Variants in SHOC1 observed in about 807,000 individuals in gnomAD.
SHOC1 encodes the protein protein shortage in chiasmata 1 ortholog.
In SHOC1, 136 loss-of-function variants were observed where a neutral mutation model predicts 179.2. The observed-to-expected ratio is 0.76, with a 90% CI of 0.66 to 0.87. The LOEUF (loss-of-function observed/expected upper bound fraction) is 0.87, where lower values mean the gene tolerates loss of function less well. Ranked by LOEUF, SHOC1 falls within the 40% of genes least tolerant of loss-of-function variation. SHOC1 has a pLI of 0.00. For missense variants in SHOC1, 1,538 were observed against 1,700.8 expected (o/e 0.90, Z 1.68); for synonymous variants, 489 against 586.6 (o/e 0.83, Z 2.41).
At chr9:111,744,537 C>T (rs935291481) in intron 10 of SHOC1, among the ~76,000 whole-genome samples, 2 of 152,208 alleles carry the variant, frequency 1.3e-5, no homozygotes, top group Non-Finnish European at 2.9e-5. Flanking sequence ...ACAGCCTTGA[C>T]TCCAGCTGGT....
At chr9:111,792,762 G>A (rs575730180) in intron 1 of SHOC1, among the ~76,000 whole-genome samples, 30 of 152,166 alleles carry the variant, frequency 2.0e-4, no homozygotes, top group Non-Finnish European at 3.5e-4. Context: ...AGAATATATA[G>A]TGTGGCCACC....
chr9:111,694,306 G>A lies in SHOC1; in HGVS notation c.3240C>T (p.Asp1080=). 6.2e-7 allele frequency: 1 copy of A among 1,611,500 alleles called. No individual in the cohort carries two copies. Among genetic ancestry groups the A allele is most frequent in the Non-Finnish European group, 8.5e-7 (1 of 1,178,116 alleles). ...ATALIIRQIA[D]HSLMTSKRDP... ...CTCTCTTTGAGGTCATTAAACTGTG[G>A]TCAGCAATTTGTCGAATTATCAAGG... Residue 1080 remains aspartate, a synonymous_variant, in exon 25 of 28, where the codon GAC becomes GAT. Transcript: ENST00000682961.
At chr9:111,734,987 T>C (rs1488475568) in intron 12 of SHOC1, among the ~76,000 whole-genome samples, 3 of 152,056 alleles carry the variant, frequency 2.0e-5, no homozygotes, top group Non-Finnish European at 4.4e-5. Flanking sequence ...CCTCCTCTAG[T>C]AGCCCCCAGT....
intron 13 of SHOC1, among the ~76,000 whole-genome samples, chr9:111,727,213 CAATT>C (rs1432372502): frequency 9.9e-5 from 15 of 152,000 alleles, no homozygotes; most frequent in African/African-American, 3.6e-4. Flanking sequence ...TAGAAAGAAA[CAATT>C]AAGTAGACAG....
Position 111,722,468 on chromosome 9 carries a change from T to C in SHOC1, c.2072A>G (p.Asp691Gly). The C allele has an allele frequency of 6.2e-7, 1 of 1,612,340 alleles. No individual in the cohort carries two copies. The highest frequency in any genetic ancestry group is 8.5e-7 in the Non-Finnish European group (1 of 1,179,684). ...TTCCTTTAAGAGAAACCTTGTTTGG[T>C]CAAAAATAACAGTGGCAAATTTCCA... Reference protein sequence around the residue: ...ANWKFATVIFDQTRFLLKEQE... With the variant: ...ANWKFATVIFGQTRFLLKEQE... Residue 691 changes from aspartate to glycine, a missense_variant, in exon 15 of 28, where the codon GAC (aspartate) becomes GGC (glycine). Physicochemically the swap from Asp to Gly is moderately conservative, Grantham distance 94. Coordinates refer to ENST00000682961, the MANE Select transcript of SHOC1 (RefSeq NM_001378211.1).
At chr9:111,726,812 G>A (rs1384801052) in intron 13 of SHOC1, among the ~76,000 whole-genome samples, 1 of 152,034 alleles carries the variant, frequency 6.6e-6, no homozygotes, top group Admixed American at 6.6e-5. Flanking sequence ...ATGTAAAAGT[G>A]CTTTATAAAG....
intron 3 of SHOC1, among the ~76,000 whole-genome samples, chr9:111,781,453 T>C (rs888009403): frequency 6.6e-6 from 1 of 152,220 alleles, no homozygotes; most frequent in African/African-American, 2.4e-5. Flanking sequence ...CGGCACGTAG[T>C]GGCTCATGCC....
chr9:111,729,543 G>T (rs566839146), intron 12 of SHOC1, among the ~76,000 whole-genome samples: 8 of 152,320 alleles, frequency 5.3e-5, no homozygotes, highest in African/African-American at 1.7e-4. Context: ...TTTCACGAAA[G>T]ATTTTTCTGT....
chr9:111,750,937 G>A (rs557640678), intron 8 of SHOC1, among the ~76,000 whole-genome samples: 1 of 152,196 alleles, frequency 6.6e-6, no homozygotes, highest in Admixed American at 6.5e-5. Context: ...GTCCTGAATG[G>A]TATTGCCTAG....
At chr9:111,735,465 G>A (rs1474941270) in intron 12 of SHOC1, among the ~76,000 whole-genome samples, 1 of 151,934 alleles carries the variant, frequency 6.6e-6, no homozygotes. Flanking sequence ...TTAGTTTGCT[G>A]AGAATGATGG....
chr9:111,708,088 C>A (rs12349163), intron 18 of SHOC1, among the ~76,000 whole-genome samples, 164 bp from the exon 19 acceptor site: 1 of 151,912 alleles, frequency 6.6e-6, no homozygotes, highest in African/African-American at 2.4e-5. Context: ...ATATCAGAAA[C>A]TTTGAACCAT....
chr9:111,754,117 T>C (rs1008824249), intron 8 of SHOC1, among the ~76,000 whole-genome samples: 1 of 152,192 alleles, frequency 6.6e-6, no homozygotes, highest in Admixed American at 6.5e-5. Context: ...TATTTCACAA[T>C]GTATATGTAT....
chr9:111,783,998 GT>G (rs35280722), intron 3 of SHOC1, among the ~76,000 whole-genome samples: 28,615 of 152,148 alleles, frequency 0.19, 2,888 homozygotes, highest in Non-Finnish European at 0.22. Context: ...AGGACATCCT[GT>G]TTTGTGGGTG....
intron 5 of SHOC1, among the ~76,000 whole-genome samples, chr9:111,769,739 G>A (rs900388110): frequency 2.0e-5 from 3 of 152,172 alleles, no homozygotes; most frequent in Admixed American, 6.5e-5. Flanking sequence ...CAGAGTGCTA[G>A]GGCACAGGCA....
At position 111,758,639 on chromosome 9, in the gene SHOC1, C is replaced by T. The variant is rs1834988230; in HGVS notation, c.596+56G>A. On this transcript the variant is annotated intron_variant, in intron 6 of 27. Transcript: ENST00000682961. ...GATAACATCTAAGCTTGTGATCATACTAAAACATTTTCACCTCTTAAAAAT... is the reference window on the plus strand; with the variant it reads ...GATAACATCTAAGCTTGTGATCATATTAAAACATTTTCACCTCTTAAAAAT... 1.3e-5 allele frequency: 19 copies of T among 1,449,964 alleles called. No individual in the cohort carries two copies. The South Asian group carries it at 1.5e-4, about 12-fold the overall frequency. The allele number at this position is 1,449,964 out of a possible 1,614,324, so 89.8% of individuals were successfully genotyped here.
intron 5 of SHOC1, among the ~76,000 whole-genome samples, chr9:111,771,444 A>G (rs1236854414): frequency 6.6e-6 from 1 of 152,176 alleles, no homozygotes; most frequent in Non-Finnish European, 1.5e-5. Context: ...GTAACAGAGT[A>G]TTCTCAGTAT....
chr9:111,730,110 ACCTTCAGGCTC>A (rs1323807380), intron 12 of SHOC1, among the ~76,000 whole-genome samples: 1 of 152,050 alleles, frequency 6.6e-6, no homozygotes, highest in Admixed American at 6.6e-5. Flanking sequence ...ATTCAACCAC[ACCTTCAGGCTC>A]CACTTCTAAT....
At chr9:111,778,796 CAGAG>C (rs1235038720) in intron 4 of SHOC1, among the ~76,000 whole-genome samples, 4 of 129,866 alleles carry the variant, frequency 3.1e-5, no homozygotes, top group Admixed American at 8.0e-5. Flanking sequence ...AAAAAAGAGA[CAGAG>C]AGAGAGAGAA....
chr9:111,732,571 A>G (rs1833627531), intron 12 of SHOC1, among the ~76,000 whole-genome samples: 1 of 152,230 alleles, frequency 6.6e-6, no homozygotes, highest in Non-Finnish European at 1.5e-5. Context: ...TTTTTTAACA[A>G]TAAAAATAAA....
Sources: gnomAD v4.1 joint callset for allele counts (sites outside exome capture counted in the v4.1 genomes callset) on GRCh38, gnomAD v4.1.1 for gene constraint, MANE v1.5 for transcripts, NCBI Gene and HGNC (gene_info 2026-07-23, HGNC 2026-07-21) for gene names.